The following RSU1 variants were observed in gnomAD, a reference collection of about 807,000 sequenced individuals.
RSU1 encodes Ras suppressor protein 1, also known as rsu-1.
In RSU1, 26 loss-of-function variants were observed where a neutral mutation model predicts 31.1. The ratio of observed to expected loss-of-function variants is 0.84; its 90% confidence interval spans 0.61 to 1.16. The LOEUF (loss-of-function observed/expected upper bound fraction) is 1.16. Among genes scored for constraint, RSU1 ranks in the 50% most tolerant of loss-of-function variants. The pLI is 0.00. For synonymous variants in RSU1, 164 were observed against 136.3 expected, an observed-to-expected ratio of 1.20 and a Z score of -1.41; for missense variants, 320 against 339.1, an observed-to-expected ratio of 0.94 and a Z score of 0.44.
rs568299267 is a variant in RSU1 at position 16,737,883 on chromosome 10, G to A, written c.598+14656C>T. 1.4e-3 allele frequency among the ~76,000 whole-genome samples: 209 copies of A among 152,160 alleles called. 1 individual carries two copies. Among genetic ancestry groups the A allele is most frequent in the Non-Finnish European group, 2.0e-3 (137 of 68,010 alleles). The stretch of plus-strand genomic sequence containing the variant: ...GTAAAATTCACCAACTAGAGAATAC[G>A]CAGGCCCATAAAACAAATCAACAAA... On this transcript the variant is annotated intron_variant, in intron 7 of 8. Transcript: ENST00000345264.
At chr10:16,773,813 AGAT>A (rs1316532942) in intron 3 of RSU1, among the ~76,000 whole-genome samples, 1 of 152,222 alleles carries the variant, frequency 6.6e-6, no homozygotes. Context: ...TCACAGAGAA[AGAT>A]GAGCATTCAT....
chr10:16,715,179 T>A (rs1332474824), intron 7 of RSU1, among the ~76,000 whole-genome samples: 1 of 152,220 alleles, frequency 6.6e-6, no homozygotes, highest in Non-Finnish European at 1.5e-5. Flanking sequence ...TATAGTTGTT[T>A]ACTTGTTGTT....
At chr10:16,705,681 G>T (rs112983805) in intron 7 of RSU1, among the ~76,000 whole-genome samples, 2 of 152,020 alleles carry the variant, frequency 1.3e-5, no homozygotes, top group Non-Finnish European at 1.5e-5. Flanking sequence ...GTAGAGATGG[G>T]GTTTCACCAT....
chr10:16,669,146 C>T (rs956474394), intron 8 of RSU1, among the ~76,000 whole-genome samples: 2 of 151,924 alleles, frequency 1.3e-5, no homozygotes, highest in Non-Finnish European at 2.9e-5. Context: ...TCTTATTTTT[C>T]CCAAAACAAA....
At chr10:16,705,036 T>C (rs1048919204) in intron 7 of RSU1, among the ~76,000 whole-genome samples, 2 of 152,196 alleles carry the variant, frequency 1.3e-5, no homozygotes, top group African/African-American at 4.8e-5. Flanking sequence ...CCATTTCTCC[T>C]TTCCCTTATC....
chr10:16,704,407 T>C (rs982398085), intron 7 of RSU1, among the ~76,000 whole-genome samples: 1 of 152,246 alleles, frequency 6.6e-6, no homozygotes, highest in Admixed American at 6.5e-5. Context: ...TTAGGATTCA[T>C]ACTCAAGGTC....
intron 3 of RSU1, among the ~76,000 whole-genome samples, chr10:16,772,286 TA>T (rs1430335427): frequency 6.6e-6 from 1 of 152,166 alleles, no homozygotes; most frequent in Non-Finnish European, 1.5e-5. Context: ...ACAAATTTCC[TA>T]AAAAGCTGAC....
intron 2 of RSU1, among the ~76,000 whole-genome samples, chr10:16,798,276 T>A (rs528214734): frequency 6.6e-6 from 1 of 152,300 alleles, no homozygotes; most frequent in Non-Finnish European, 1.5e-5. Flanking sequence ...AAAGAGCTCA[T>A]AGACTAAAAA....
At chr10:16,714,451 G>A (rs770328856) in intron 7 of RSU1, among the ~76,000 whole-genome samples, 11 of 152,312 alleles carry the variant, frequency 7.2e-5, no homozygotes, top group East Asian at 3.9e-4. Flanking sequence ...GTCTGTATGC[G>A]GGAACGAGGC....
intron 8 of RSU1, among the ~76,000 whole-genome samples, chr10:16,647,354 C>T (rs183857904): frequency 1.2e-4 from 19 of 152,284 alleles, no homozygotes; most frequent in South Asian, 8.3e-4. Flanking sequence ...GCTCCTCAAA[C>T]GGTTAAACAT....
chr10:16,814,189 C>T (rs1838472965), intron 2 of RSU1, among the ~76,000 whole-genome samples: 1 of 152,042 alleles, frequency 6.6e-6, no homozygotes, highest in Admixed American at 6.6e-5. Flanking sequence ...TGTGTAATGC[C>T]AGCACTTTAG....
At chr10:16,787,170 C>T (rs1484932602) in intron 2 of RSU1, among the ~76,000 whole-genome samples, 1 of 152,174 alleles carries the variant, frequency 6.6e-6, no homozygotes, top group African/African-American at 2.4e-5. Flanking sequence ...CAGTGAGTCT[C>T]TTGGGTCACT....
intron 8 of RSU1, among the ~76,000 whole-genome samples, chr10:16,605,727 C>T (rs930425801): frequency 8.5e-5 from 13 of 152,298 alleles, no homozygotes; most frequent in African/African-American, 2.6e-4. Context: ...TCTTTGGGGG[C>T]AGTTATCCTC....
intron 4 of RSU1, among the ~76,000 whole-genome samples, chr10:16,758,522 C>T (rs576838075): frequency 3.0e-4 from 45 of 152,240 alleles, no homozygotes; most frequent in Middle Eastern, 3.4e-3. Context: ...GTGAGGAGAC[C>T]GGCTCCAGCA....
At chr10:16,733,811 A>G (rs1267464313) in intron 7 of RSU1, among the ~76,000 whole-genome samples, 1 of 152,222 alleles carries the variant, frequency 6.6e-6, no homozygotes, top group Non-Finnish European at 1.5e-5. Flanking sequence ...TCACTGTCCT[A>G]GGAACACAGC....
intron 8 of RSU1, among the ~76,000 whole-genome samples, chr10:16,604,947 A>G (rs1833776936): frequency 6.6e-6 from 1 of 152,148 alleles, no homozygotes; most frequent in African/African-American, 2.4e-5. Flanking sequence ...ATGAGCCCAG[A>G]TCTGCTGGTA....
chr10:16,752,620 G>A lies in RSU1; in HGVS notation c.517C>T (p.Pro173Ser). 6.2e-7 allele frequency: 1 copy of A among 1,614,056 alleles called. No homozygotes were observed. Among genetic ancestry groups the A allele is most frequent in the South Asian group, 1.1e-5 (1 of 91,082 alleles). Residue 173 changes from proline (P) to serine (S), a missense_variant, in exon 7 of 9, where the codon CCT becomes TCT. Physicochemically the swap from Pro to Ser is moderately conservative, Grantham distance 74 (BLOSUM62 -1). Transcript: ENST00000345264. ...SLRDNDLISL[P>S]KEIGELTQLK... ...TGGGTAAGCTCCCCGATTTCCTTAGGCAGCGAGATCAGGTCGTTATCCCTA... is the reference window on the plus strand; with the variant it reads ...TGGGTAAGCTCCCCGATTTCCTTAGACAGCGAGATCAGGTCGTTATCCCTA...
At chr10:16,814,217 A>G (rs1200750215) in intron 2 of RSU1, among the ~76,000 whole-genome samples, 1 of 152,062 alleles carries the variant, frequency 6.6e-6, no homozygotes, top group African/African-American at 2.4e-5. Context: ...AGATGGGGGC[A>G]CTCCTTGAGC....
At chr10:16,776,451 A>G (rs1837533690) in intron 3 of RSU1, among the ~76,000 whole-genome samples, 2 of 152,064 alleles carry the variant, frequency 1.3e-5, no homozygotes, top group South Asian at 4.1e-4. Context: ...ATAATTCTAA[A>G]TTCATACATA....
Sources: allele counts gnomAD v4.1 joint callset (sites outside exome capture counted in the v4.1 genomes callset), GRCh38; gene constraint gnomAD v4.1.1; transcripts MANE v1.5; gene names NCBI Gene and HGNC (gene_info 2026-07-23, HGNC 2026-07-21).